DCHS1: variants seen among roughly 807,000 people sequenced by gnomAD.
DCHS1 encodes dachsous cadherin-related 1, also known as protocadherin-16.
A neutral mutation model predicts 213.9 loss-of-function variants in DCHS1; 78 were observed. That is an observed-to-expected ratio of 0.36 (90% CI 0.30 to 0.44). The LOEUF (loss-of-function observed/expected upper bound fraction) is 0.44, where lower values mean the gene tolerates loss of function less well. DCHS1 is among the 20% of genes least tolerant of loss of function. DCHS1 has a pLI of 1.00. For synonymous variants in DCHS1, 1,828 were observed against 1,873.7 expected (o/e 0.98, Z 0.63); for missense variants, 3,946 against 4,395.9 (o/e 0.90, Z 2.89).
At chr11:6,644,828 G>A (rs1225713068) in intron 1 of DCHS1, among the ~76,000 whole-genome samples, 1 of 152,178 alleles carries the variant, frequency 6.6e-6, no homozygotes, top group East Asian at 1.9e-4. Flanking sequence ...GAGGCCCCTC[G>A]GTCAGTCCTG....
At position 6,639,226 on chromosome 11, in the gene DCHS1, C is replaced by T. The variant is rs557301746; in HGVS notation, c.1797+591G>A. Reference sequence around the variant, plus strand: ...CAGAGTGCCTTTCCAGTTTCATGTTCCCTCCATTTCTCCAGGACTGACTTG... The same window carrying T: ...CAGAGTGCCTTTCCAGTTTCATGTTTCCTCCATTTCTCCAGGACTGACTTG... On this transcript the variant is annotated intron_variant, in intron 2 of 20. Coordinates refer to ENST00000299441, the MANE Select transcript of DCHS1 (RefSeq NM_003737.4). Among the ~76,000 whole-genome samples the T allele has an allele frequency of 2.4e-3, 367 of 152,274 alleles. 3 individuals carry two copies. Among genetic ancestry groups the T allele is most frequent in the African/African-American group, 8.0e-3 (331 of 41,546 alleles).
rs1300893710 is a variant in DCHS1 at position 6,626,745 on chromosome 11, C to T, written c.6250+44G>A. ...GGACATTTTCAAAGCACAACCCCAG[C>T]CCATTTGGGAGTCTGAATCTGGAAG... On this transcript the variant is annotated intron_variant, in intron 14 of 20. Coordinates refer to ENST00000299441, the MANE Select transcript of DCHS1 (RefSeq NM_003737.4). This position sits in a 1 kb window ranked among gnomAD's most constrained non-coding sequence, Gnocchi z 5.2. 1.2e-6 allele frequency: 2 copies of T among 1,609,552 alleles called. No homozygotes were observed. Among genetic ancestry groups the T allele is most frequent in the Non-Finnish European group, 1.7e-6 (2 of 1,177,838 alleles).
At chr11:6,645,994 G>A (rs540266989) in intron 1 of DCHS1, among the ~76,000 whole-genome samples, 28 of 152,044 alleles carry the variant, frequency 1.8e-4, no homozygotes, top group Middle Eastern at 3.4e-3. Context: ...ACACAGATGA[G>A]CCTATTCCTT....
Position 6,630,954 on chromosome 11 carries a change from G to T in DCHS1, c.3931-91C>A. 6.6e-6 allele frequency: 10 copies of T among 1,514,858 alleles called. No individual in the cohort carries two copies. In the South Asian group the frequency reaches 1.3e-4, roughly 20 times the overall value. The allele number at this position is 1,514,858 out of a possible 1,614,324, so 93.8% of individuals were successfully genotyped here. A position where few individuals can be genotyped will look rare whatever the true frequency, so the allele number is the denominator to read the frequency against. On this transcript the variant is annotated intron_variant, in intron 9 of 20. Coordinates refer to ENST00000299441, the MANE Select transcript of DCHS1 (RefSeq NM_003737.4). ...TTCCCAGGTGGTAGGAAAGTGGTCA[G>T]AGTAGCCTGACTGCTAGTGGAGCCA...
chr11:6,623,503 C>G lies in DCHS1; in HGVS notation c.8173G>C (p.Val2725Leu). The change falls in exon 21 of 21, where the codon GTG becomes CTG. Residue 2725 changes from valine to leucine, a missense_variant. By Grantham distance (32) the Val-to-Leu change is conservative. Coordinates refer to ENST00000299441, the MANE Select transcript of DCHS1 (RefSeq NM_003737.4). Reference sequence around the variant, plus strand: ...CCGTCGATTGCATGCAGAGTGGTCACGAGAGTGCCTGGAGGCTGATTCTCG... The same window carrying G: ...CCGTCGATTGCATGCAGAGTGGTCAGGAGAGTGCCTGGAGGCTGATTCTCG... The part of the protein sequence containing the change: ...VAENQPPGTL[V>L]TTLHAIDGDA... The G allele has an allele frequency of 6.3e-7, 1 of 1,597,966 alleles. No individual in the cohort carries two copies. Among genetic ancestry groups the G allele is most frequent in the Non-Finnish European group, 8.5e-7 (1 of 1,172,370 alleles).
In DCHS1 at chr11:6,622,347, T is replaced by C. The variant is rs762887975; in HGVS notation, c.9329A>G (p.Glu3110Gly). The C allele has an allele frequency of 1.3e-6, 2 of 1,593,800 alleles. No homozygotes were observed. The highest frequency in any genetic ancestry group is 1.7e-6 in the Non-Finnish European group (2 of 1,170,594). The part of the protein sequence containing the change: ...PGAGATLYRE[E>G]GPPATATAFL... ...GGCTGTGGCAGTGGCTGGGGGCCCC[T>C]CCTCTCTGTAGAGAGTGGCTCCTGC... Residue 3110 changes from glutamate to glycine, a missense_variant, in exon 21 of 21, where the codon GAG (glutamate) becomes GGG (glycine). This residue lies in a region of DCHS1 where 554 missense variants were observed against 590.2 expected (regional missense o/e 0.94). Transcript: ENST00000299441. The surrounding 1 kb of genome is among the most constrained non-coding windows in gnomAD (Gnocchi z 5.4).
At position 6,633,604 on chromosome 11, in the gene DCHS1, C is replaced by T. The variant is rs769210995; in HGVS notation, c.2263G>A (p.Val755Met). The T allele has an allele frequency of 1.3e-6, 2 of 1,599,288 alleles. No homozygotes were observed. The highest frequency in any genetic ancestry group is 1.7e-5 in the Admixed American group (1 of 57,598). ...TCAGCCCCGATCTCCAGCTGCACCA[C>T]AGAATTGGCCCGTCTGGCCAAGGGC... is the stretch of plus-strand genomic sequence containing the variant. ...AWPLARRANS[V>M]VQLEIGAEDG... is the part of the protein sequence containing the mutation. The change falls in exon 5 of 21, where the codon GTG (valine) becomes ATG (methionine). Residue 755 changes from valine to methionine, a missense_variant. Coordinates refer to ENST00000299441, the MANE Select transcript of DCHS1 (RefSeq NM_003737.4).
chr11:6,641,514 C>CCAG lies in DCHS1; in HGVS notation c.97_99dup (p.Leu33dup), dbSNP rs72555381. The CCAG allele has an allele frequency of 0.094, 145,772 of 1,551,258 alleles. 5,368 individuals are homozygous for CCAG. Among genetic ancestry groups the CCAG allele is most frequent in the Admixed American group, 0.24 (12,009 of 50,834 alleles). On this transcript the variant is annotated inframe_insertion, in exon 2 of 21. Transcript: ENST00000299441. This position sits in a 1 kb window ranked among gnomAD's most constrained non-coding sequence, Gnocchi z 7.1. ...CCCCAGGCACCTGGCACCCCAGCCC[C>CCAG]CAGCAGCAGCAGCAGCAGCAGCAGC...
At chr11:6,634,330 G>A (rs959089432) in intron 2 of DCHS1, 24 bp from the exon 3 acceptor site, 1 of 1,553,416 alleles carries the variant, frequency 6.4e-7, no homozygotes, top group Non-Finnish European at 8.7e-7. Context: ...GGGGTGAGTG[G>A]TGTCCCCTCT....
intron 1 of DCHS1, among the ~76,000 whole-genome samples, chr11:6,647,459 G>T (rs948336706): frequency 1.2e-4 from 19 of 152,164 alleles, no homozygotes; most frequent in Admixed American, 6.5e-5. Flanking sequence ...GCCCGGGCCT[G>T]GCTCTGTCCC....
rs145562528 is a variant in DCHS1, at chr11:6,626,942, C to T, written c.6097G>A (p.Asp2033Asn). ...ARSPVALGPR[D>N]RVLFIVATDL... is the part of the protein sequence containing the mutation. ...GTGGCCACAATGAAGAGGACACGAT[C>T]TCGGGGGCCTAGAGCTACAGGAGAG... is the stretch of plus-strand genomic sequence containing the variant. The change falls in exon 14 of 21, where the codon GAT becomes AAT. Residue 2033 changes from aspartate to asparagine, a missense_variant. Asp to Asn is a conservative substitution (Grantham distance 23, BLOSUM62 1). This residue lies in a region of DCHS1 where 3,384 missense variants were observed against 3,780.1 expected (regional missense o/e 0.90). Coordinates refer to ENST00000299441, the MANE Select transcript of DCHS1 (RefSeq NM_003737.4). This position sits in a 1 kb window ranked among gnomAD's most constrained non-coding sequence, Gnocchi z 5.2. 4.2e-5 allele frequency: 68 copies of T among 1,613,742 alleles called. No individual in the cohort carries two copies. The Admixed American group carries it at 4.3e-4, about 10-fold the overall frequency.
rs1238548992 is a variant in DCHS1 at position 6,630,788 on chromosome 11, C to G, written c.4006G>C (p.Val1336Leu). The G allele has an allele frequency of 3.2e-6, 5 of 1,546,584 alleles. No homozygotes were observed. The highest frequency in any genetic ancestry group is 4.4e-6 in the Non-Finnish European group (5 of 1,146,182). Reference protein sequence around the residue: ...ERDPAAPVPVVLTVTAAEGLR... With the variant: ...ERDPAAPVPVLLTVTAAEGLR... The stretch of plus-strand genomic sequence containing the variant: ...CCCTCAGCTGCTGTCACCGTCAGCA[C>G]GACAGGCACTGGTGCCGCTGGGTCC... The change falls in exon 10 of 21, where the codon GTG becomes CTG. Residue 1336 changes from valine (V) to leucine (L), a missense_variant. Physicochemically the swap from Val to Leu is conservative, Grantham distance 32. Transcript: ENST00000299441.
chr11:6,640,270 G>A lies in DCHS1; in HGVS notation c.1344C>T (p.Gly448=). 1.9e-6 allele frequency: 3 copies of A among 1,609,324 alleles called. No individual in the cohort carries two copies. The highest frequency in any genetic ancestry group is 1.7e-6 in the Non-Finnish European group (2 of 1,177,930). The change falls in exon 2 of 21, where the codon GGC becomes GGT. Residue 448 remains glycine (G), a synonymous_variant. Coordinates refer to ENST00000299441, the MANE Select transcript of DCHS1 (RefSeq NM_003737.4). The surrounding 1 kb of genome is among the most constrained non-coding windows in gnomAD (Gnocchi z 6.5). The stretch of plus-strand genomic sequence containing the variant: ...CAGCCTCAGCCCGCAGTGGAGGTGA[G>A]CCTGAGTCTGTGGCTGTAACCCTCA... ...YNLRVTATDS[G]SPPLRAEAAF... is the part of the protein sequence containing the mutation.
At chr11:6,649,301 A>G (rs975702567) in intron 1 of DCHS1, among the ~76,000 whole-genome samples, 1 of 151,832 alleles carries the variant, frequency 6.6e-6, no homozygotes, top group Non-Finnish European at 1.5e-5. Context: ...ATAAAAGCTC[A>G]TATAACTGGT....
In DCHS1 at chr11:6,632,809, T is replaced by A. The variant is rs1454704661; in HGVS notation, c.2703A>T (p.Val901=). The A allele has an allele frequency of 6.2e-7, 1 of 1,613,940 alleles. No individual in the cohort carries two copies. Among genetic ancestry groups the A allele is most frequent in the South Asian group, 1.1e-5 (1 of 91,078 alleles). Residue 901 remains valine (V), a synonymous_variant, in exon 6 of 21, where the codon GTA becomes GTT. Coordinates refer to ENST00000299441, the MANE Select transcript of DCHS1 (RefSeq NM_003737.4). This position sits in a 1 kb window ranked among gnomAD's most constrained non-coding sequence, Gnocchi z 5.9. The stretch of plus-strand genomic sequence containing the variant: ...CTGGGGCAGTGTTTGGTGGTAGCAA[T>A]ACCGTGTCTTCAGGTGCAGGAAAGG... The part of the protein sequence containing the change: ...SPAFPAPEDT[V]LLPPNTAPGT...
intron 2 of DCHS1, among the ~76,000 whole-genome samples, chr11:6,638,898 G>A (rs114768012): frequency 1.5e-3 from 232 of 152,140 alleles, no homozygotes; most frequent in African/African-American, 5.3e-3. Context: ...TGATCTCCTC[G>A]AGGGCAGATC....
rs1758188562 is a variant in DCHS1, at chr11:6,633,866, T to C, written c.2141A>G (p.Gln714Arg). The C allele has an allele frequency of 6.2e-7, 1 of 1,613,754 alleles. No homozygotes were observed. Among genetic ancestry groups the C allele is most frequent in the Admixed American group, 1.7e-5 (1 of 60,002 alleles). The change falls in exon 4 of 21, where the codon CAG becomes CGG. Residue 714 changes from glutamine (Q) to arginine (R), a missense_variant. Around this residue, in one of 3 missense-constraint regions of DCHS1, gnomAD observed 3,384 missense variants for 3,780.1 expected, o/e 0.90. Transcript: ENST00000299441. Reference protein sequence around the residue: ...VLRLRAHDPDQGSHGRLSYHI... With the variant: ...VLRLRAHDPDRGSHGRLSYHI... ...GTAGGAGAGTCGCCCATGGGATCCCTGGTCAGGGTCATGGGCACGCAACCT... is the reference window on the plus strand; with the variant it reads ...GTAGGAGAGTCGCCCATGGGATCCCCGGTCAGGGTCATGGGCACGCAACCT...
chr11:6,633,964 G>A lies in DCHS1; in HGVS notation c.2043C>T (p.Asn681=), dbSNP rs1037180390. The A allele has an allele frequency of 6.2e-7, 1 of 1,614,046 alleles. No individual in the cohort carries two copies. The highest frequency in any genetic ancestry group is 8.5e-7 in the Non-Finnish European group (1 of 1,179,902). The change falls in exon 4 of 21, where the codon AAC becomes AAT. Residue 681 remains asparagine, a synonymous_variant. Transcript: ENST00000299441. ...ACTCCCGTGGATAAAACTGAGGAGG[G>A]TTGTCATTCTCGTCTGACAGAAACA... ...VKVFLSDEND[N]PPQFYPREYA...
At chr11:6,637,243 G>A (rs945716089) in intron 2 of DCHS1, among the ~76,000 whole-genome samples, 2 of 152,100 alleles carry the variant, frequency 1.3e-5, no homozygotes, top group Admixed American at 6.5e-5. Context: ...CTGACATTTT[G>A]GACCAGATAA....
Sources: gnomAD v4.1 joint callset for allele counts (sites outside exome capture counted in the v4.1 genomes callset) on GRCh38, gnomAD v4.1.1 for gene constraint, gnomAD v4.1.1 regional missense constraint, Gnocchi (gnomAD v3.1) non-coding constraint, MANE v1.5 for transcripts, NCBI Gene and HGNC (gene_info 2026-07-23, HGNC 2026-07-21) for gene names.